COPS4: variants seen among roughly 807,000 people sequenced by gnomAD.
COPS4 encodes the protein COP9 signalosome subunit 4, also known as COP9 signalosome complex subunit 4.
Under a neutral mutation model 55.1 loss-of-function variants are expected in COPS4, and 8 were observed. The observed-to-expected ratio is 0.15, with a 90% confidence interval of 0.09 to 0.26. The LOEUF is 0.26. Among genes scored for constraint, COPS4 ranks in the 10% least tolerant of loss-of-function variants. COPS4 has a pLI of 1.00. For synonymous variants in COPS4, 185 were observed against 165.7 expected (o/e 1.12, Z -0.90); for missense variants, 248 against 484.0 (o/e 0.51, Z 4.58).
chr4:83,047,905 GC>G (rs1730763341), intron 2 of COPS4, among the ~76,000 whole-genome samples: 1 of 152,056 alleles, frequency 6.6e-6, no homozygotes, highest in Non-Finnish European at 1.5e-5. Context: ...GGAGGCTGAG[GC>G]AGGAGAATGG....
At position 83,057,418 on chromosome 4, in the gene COPS4, T is replaced by C. The variant is rs749216255; in HGVS notation, c.715+10T>C. On this transcript the variant is annotated intron_variant, in intron 6 of 9. Transcript: ENST00000264389. Reference sequence around the variant, plus strand: ...ATCTTAGCATCAGCAGGTAAACACGTAATAATTTATACTTAAATGAACAGT... The same window carrying C: ...ATCTTAGCATCAGCAGGTAAACACGCAATAATTTATACTTAAATGAACAGT... 6.5e-7 allele frequency: 1 copy of C among 1,547,378 alleles called. No individual in the cohort carries two copies. Among genetic ancestry groups the C allele is most frequent in the South Asian group, 1.2e-5 (1 of 80,322 alleles).
intron 6 of COPS4, 112 bp from the exon 7 acceptor site, chr4:83,062,964 A>G (rs1731199282): frequency 1.2e-6 from 1 of 851,504 alleles, no homozygotes; most frequent in Non-Finnish European, 1.8e-6. Context: ...AATAATGAAT[A>G]CTGGCTGTAT....
chr4:83,070,639 C>T (rs1731401500), intron 9 of COPS4, among the ~76,000 whole-genome samples: 1 of 152,124 alleles, frequency 6.6e-6, no homozygotes, highest in Admixed American at 6.5e-5. Flanking sequence ...TATCACCAAC[C>T]TATTCTGAAC....
At chr4:83,072,229 C>T (rs557732127) in intron 9 of COPS4, among the ~76,000 whole-genome samples, 1 of 152,210 alleles carries the variant, frequency 6.6e-6, no homozygotes, top group Non-Finnish European at 1.5e-5. Context: ...GGACTACAGG[C>T]ACGCACCACC....
intron 8 of COPS4, among the ~76,000 whole-genome samples, chr4:83,067,998 T>G (rs1019783172): frequency 3.3e-5 from 5 of 152,234 alleles, no homozygotes; most frequent in Non-Finnish European, 2.9e-5. Flanking sequence ...TGCTTTCTTT[T>G]AATTGTCTTT....
At chr4:83,055,866 A>G (rs1731000242) in intron 4 of COPS4, among the ~76,000 whole-genome samples, 1 of 151,900 alleles carries the variant, frequency 6.6e-6, no homozygotes. Flanking sequence ...ATCCTTTTAG[A>G]TGAATATGTG....
At chr4:83,049,361 G>T (rs949923071) in intron 3 of COPS4, 44 bp downstream of exon 3, 4 of 1,489,146 alleles carry the variant, frequency 2.7e-6, no homozygotes, top group Non-Finnish European at 3.6e-6. Flanking sequence ...GATAGCAGCA[G>T]TTATTTTGAG....
intron 6 of COPS4, among the ~76,000 whole-genome samples, chr4:83,060,675 C>G (rs566187828): frequency 1.3e-5 from 2 of 151,814 alleles, no homozygotes; most frequent in African/African-American, 2.4e-5. Flanking sequence ...AAGTTTTTTG[C>G]ATTCCATGAC....
At chr4:83,054,640 G>C (rs1403810034) in intron 4 of COPS4, among the ~76,000 whole-genome samples, 3 of 152,122 alleles carry the variant, frequency 2.0e-5, no homozygotes, top group African/African-American at 4.8e-5. Flanking sequence ...GATTGCTTTG[G>C]TCTTATTCTT....
At chr4:83,052,586 T>C (rs977666236) in intron 4 of COPS4, among the ~76,000 whole-genome samples, 6 of 152,186 alleles carry the variant, frequency 3.9e-5, no homozygotes, top group African/African-American at 1.4e-4. Context: ...TACTCTTTCA[T>C]TGCATTGCTC....
chr4:83,068,371 C>A, intron 8 of COPS4, 67 bp from the exon 9 acceptor site: 1 of 1,075,388 alleles, frequency 9.3e-7, no homozygotes, highest in Non-Finnish European at 1.4e-6. Flanking sequence ...GCTTTCTGTT[C>A]TCTTTTCATA....
intron 9 of COPS4, 134 bp downstream of exon 9, chr4:83,068,656 T>C: frequency 1.6e-6 from 1 of 612,212 alleles, no homozygotes; most frequent in Non-Finnish European, 2.8e-6. Flanking sequence ...AAGAAATAAT[T>C]TAAAATAATT....
chr4:83,048,397 A>G (rs1161388632), intron 2 of COPS4, among the ~76,000 whole-genome samples: 1 of 152,216 alleles, frequency 6.6e-6, no homozygotes, highest in African/African-American at 2.4e-5. Flanking sequence ...ATAAGTGGCA[A>G]TAACTGTACT....
At chr4:83,050,461 C>A (rs910355024) in intron 4 of COPS4, among the ~76,000 whole-genome samples, 1 of 152,128 alleles carries the variant, frequency 6.6e-6, no homozygotes, top group Non-Finnish European at 1.5e-5. Context: ...CCACACCTGG[C>A]TATTTTTGTA....
chr4:83,065,315 G>T (rs963753768), intron 7 of COPS4, among the ~76,000 whole-genome samples: 10 of 152,170 alleles, frequency 6.6e-5, no homozygotes, highest in Admixed American at 5.2e-4. Flanking sequence ...CATTTTGATG[G>T]TATTGAGACA....
intron 6 of COPS4, among the ~76,000 whole-genome samples, chr4:83,060,192 T>TC (rs1731128563): frequency 6.6e-6 from 1 of 150,706 alleles, no homozygotes; most frequent in African/African-American, 2.4e-5. Flanking sequence ...AGTTCTTTTT[T>TC]TTTTTTTTTG....
rs144726063 is a variant in COPS4 at position 83,038,361 on chromosome 4, C to A, written c.74+3063C>A. On this transcript the variant is annotated intron_variant, in intron 1 of 9. Coordinates refer to ENST00000264389, the MANE Select transcript of COPS4 (RefSeq NM_016129.3). ...AAAACCAAAGTACAGAGTTGAAATA[C>A]CTTGCTCTGAGGTCACACAGCTAGT... 1.1e-3 allele frequency among the ~76,000 whole-genome samples: 174 copies of A among 152,304 alleles called. 5 individuals carry two copies. In the East Asian group the frequency reaches 0.033, roughly 29 times the overall value.
chr4:83,056,842 G>C, intron 4 of COPS4, 84 bp from the exon 5 acceptor site: 2 of 1,183,638 alleles, frequency 1.7e-6, no homozygotes, highest in Admixed American at 4.5e-5. Context: ...ATATATATCA[G>C]GAAAAAACAA....
At chr4:83,038,315 T>C (rs1730476779) in intron 1 of COPS4, among the ~76,000 whole-genome samples, 1 of 152,268 alleles carries the variant, frequency 6.6e-6, no homozygotes. Context: ...AGTAGTGATA[T>C]TATTTACATT....
Sources: allele counts gnomAD v4.1 joint callset (sites outside exome capture counted in the v4.1 genomes callset), GRCh38; gene constraint gnomAD v4.1.1; transcripts MANE v1.5; gene names NCBI Gene and HGNC (gene_info 2026-07-23, HGNC 2026-07-21).